Variants in TP53BP1 observed in about 807,000 individuals in gnomAD.
TP53BP1 encodes TP53-binding protein 1.
In TP53BP1, 61 loss-of-function variants were observed where a neutral mutation model predicts 200.8. The observed-to-expected ratio is 0.30, with a 90% CI of 0.25 to 0.38. TP53BP1 has a LOEUF of 0.38. TP53BP1 is among the 10% of genes least tolerant of loss of function. The pLI is 1.00. For missense variants in TP53BP1, 2,144 were observed against 2,371.9 expected (o/e 0.90, Z 2.00); for synonymous variants, 822 against 844.3 (o/e 0.97, Z 0.46).
At chr15:43,454,613 T>C (rs943471889) in intron 12 of TP53BP1, among the ~76,000 whole-genome samples, 5 of 152,210 alleles carry the variant, frequency 3.3e-5, no homozygotes, top group African/African-American at 1.2e-4. Flanking sequence ...TCTGCTGGCC[T>C]CAGCCTCCCA....
chr15:43,440,833 G>A (rs546686977), intron 15 of TP53BP1, among the ~76,000 whole-genome samples: 15 of 152,082 alleles, frequency 9.9e-5, no homozygotes, highest in African/African-American at 2.9e-4. Context: ...AGGTCACAGT[G>A]AGCCATGATC....
intron 5 of TP53BP1, among the ~76,000 whole-genome samples, chr15:43,480,370 C>G (rs1595612332): frequency 2.0e-5 from 3 of 152,184 alleles, no homozygotes; most frequent in Admixed American, 1.3e-4. Flanking sequence ...ATGGCTTGAA[C>G]CCAGGAGGCG....
chr15:43,420,247 A>G (rs567024957), intron 21 of TP53BP1, 58 bp downstream of exon 21: 1 of 1,476,560 alleles, frequency 6.8e-7, no homozygotes, highest in Admixed American at 1.8e-5. Flanking sequence ...CTAACATAAC[A>G]GAGTATTATT....
chr15:43,417,213 C>G (rs530569377), intron 21 of TP53BP1: 2 of 152,080 alleles, frequency 1.3e-5, no homozygotes, highest in African/African-American at 4.8e-5. Context: ...CACACATATA[C>G]AATACAAAAA....
chr15:43,475,666 T>C lies in TP53BP1; in HGVS notation c.984A>G (p.Ser328=). The C allele has an allele frequency of 6.2e-7, 1 of 1,613,908 alleles. No individual in the cohort carries two copies. Reference sequence around the variant, plus strand: ...CCAAAGAACACCCACCTTCCTCCCTTGAAGGAGTAGAGCAACCATCAGAAG... The same window carrying C: ...CCAAAGAACACCCACCTTCCTCCCTCGAAGGAGTAGAGCAACCATCAGAAG... The part of the protein sequence containing the change: ...TVSSDGCSTP[S]REEGGCSLAS... Residue 328 remains serine (S), a synonymous_variant, in exon 9 of 28, where the codon TCA becomes TCG. Transcript: ENST00000382044.
At chr15:43,414,675 G>A (rs1362006136) in intron 23 of TP53BP1, among the ~76,000 whole-genome samples, 1 of 151,944 alleles carries the variant, frequency 6.6e-6, no homozygotes, top group Admixed American at 6.6e-5. Flanking sequence ...GTTGTTTCGG[G>A]GATAATGGGG....
intron 12 of TP53BP1, among the ~76,000 whole-genome samples, chr15:43,451,208 AG>A (rs1376151493): frequency 6.6e-6 from 1 of 151,836 alleles, no homozygotes; most frequent in African/African-American, 2.4e-5. Flanking sequence ...TTATACTTTA[AG>A]TTTTAGGGTA....
At chr15:43,447,279 C>A in intron 13 of TP53BP1, 87 bp downstream of exon 13, 1 of 1,428,240 alleles carries the variant, frequency 7.0e-7, no homozygotes, top group Non-Finnish European at 9.6e-7. Flanking sequence ...CAGCCAGACC[C>A]AACTCCTCAG....
intron 12 of TP53BP1, 49 bp downstream of exon 12, chr15:43,455,843 C>G (rs546814443): frequency 1.3e-6 from 2 of 1,599,160 alleles, no homozygotes; most frequent in African/African-American, 2.7e-5. Context: ...ACTTTCCATT[C>G]CAGATTATAA....
chr15:43,491,853 G>A (rs1488362261), intron 3 of TP53BP1, 100 bp from the exon 4 acceptor site: 3 of 1,139,792 alleles, frequency 2.6e-6, no homozygotes, highest in African/African-American at 3.0e-5. Context: ...AGTGACACTA[G>A]CACATCAACT....
chr15:43,489,908 C>T (rs1417901378), intron 4 of TP53BP1, among the ~76,000 whole-genome samples: 1 of 151,960 alleles, frequency 6.6e-6, no homozygotes, highest in African/African-American at 2.4e-5. Flanking sequence ...ATAAAACACA[C>T]CTCCAAAAAA....
At chr15:43,438,203 TG>T (rs1476479328) in intron 16 of TP53BP1, 120 bp downstream of exon 16, 2 of 751,824 alleles carry the variant, frequency 2.7e-6, no homozygotes, top group Non-Finnish European at 4.3e-6. Context: ...ACTGTTGCAC[TG>T]GGGGTTAAGT....
intron 11 of TP53BP1, among the ~76,000 whole-genome samples, chr15:43,469,516 A>AT (rs2046670684): frequency 6.6e-6 from 1 of 152,224 alleles, no homozygotes; most frequent in African/African-American, 2.4e-5. Flanking sequence ...AAAAAAATTT[A>AT]TTAAAAAAAA....
chr15:43,438,286 C>A, intron 16 of TP53BP1, 38 bp downstream of exon 16: 1 of 1,576,730 alleles, frequency 6.3e-7, no homozygotes, highest in South Asian at 1.1e-5. Flanking sequence ...TTTTGTGAAC[C>A]AATGGAGCCC....
intron 14 of TP53BP1, among the ~76,000 whole-genome samples, chr15:43,444,920 T>C (rs983198856): frequency 3.3e-5 from 5 of 152,086 alleles, no homozygotes; most frequent in Admixed American, 2.6e-4. Context: ...ATGCTGGAGG[T>C]TGCAAATTTT....
intron 24 of TP53BP1, 67 bp downstream of exon 24, chr15:43,413,052 T>A (rs2045164076): frequency 5.3e-6 from 8 of 1,496,794 alleles, no homozygotes; most frequent in Non-Finnish European, 7.4e-6. Flanking sequence ...GACCACCAGC[T>A]CATAAGTGAC....
intron 11 of TP53BP1, 47 bp downstream of exon 11, chr15:43,469,811 C>CT (rs1156832968): frequency 6.7e-7 from 1 of 1,495,470 alleles, no homozygotes; most frequent in Middle Eastern, 1.7e-4. Flanking sequence ...AATAATGCTG[C>CT]TTTAAAAAAA....
chr15:43,510,630 G>A, upstream of TP53BP1: 1 of 269,636 alleles, frequency 3.7e-6, no homozygotes, highest in Non-Finnish European at 7.0e-6. Flanking sequence ...GGGCGAGGCT[G>A]CGGAATTGCC....
At chr15:43,419,406 C>CTGGAGTGCAGTGTCA (rs1447360026) in intron 21 of TP53BP1, among the ~76,000 whole-genome samples, 5 of 152,008 alleles carry the variant, frequency 3.3e-5, no homozygotes, top group Admixed American at 2.0e-4. Context: ...GTTTCCCAGG[C>CTGGAGTGCAGTGTCA]TGGAGTGCAG....
Sources: allele counts gnomAD v4.1 joint callset (sites outside exome capture counted in the v4.1 genomes callset), GRCh38; gene constraint gnomAD v4.1.1; transcripts MANE v1.5; gene names NCBI Gene and HGNC (gene_info 2026-07-23, HGNC 2026-07-21).